Variants in RARB observed in about 807,000 individuals in gnomAD.
RARB encodes retinoic acid receptor beta.
In RARB, 17 loss-of-function variants were observed where a neutral mutation model predicts 51.9. The observed-to-expected ratio is 0.33, with a 90% CI of 0.22 to 0.49. The LOEUF (loss-of-function observed/expected upper bound fraction) is 0.49, where lower values mean the gene tolerates loss of function less well. Among genes scored for constraint, RARB ranks in the 20% least tolerant of loss-of-function variants. The probability of loss-of-function intolerance (pLI) is 0.99; values close to 1 mark genes in which losing one functional copy is unlikely to be tolerated. For missense variants in RARB, 369 were observed against 550.8 expected, an observed-to-expected ratio of 0.67 and a Z score of 3.30; for synonymous variants, 215 against 195.4, an observed-to-expected ratio of 1.10 and a Z score of -0.84.
intron 1 of RARB, among the ~76,000 whole-genome samples, 179 bp downstream of exon 1, chr3:25,429,067 A>G (rs1331466371): frequency 6.6e-6 from 1 of 152,116 alleles, no homozygotes; most frequent in African/African-American, 2.4e-5. Flanking sequence ...ATTTCCTGTT[A>G]GATGTTTTCT....
intron 2 of RARB, among the ~76,000 whole-genome samples, chr3:24,868,204 T>C (rs923743583): frequency 6.6e-6 from 1 of 152,194 alleles, no homozygotes; most frequent in African/African-American, 2.4e-5. Context: ...TAGCCTGTTT[T>C]AAAATCTGTC....
At chr3:24,972,852 G>C (rs1400708248) in intron 2 of RARB, among the ~76,000 whole-genome samples, 1 of 151,780 alleles carries the variant, frequency 6.6e-6, no homozygotes, top group Non-Finnish European at 1.5e-5. Flanking sequence ...TTGCTACTGA[G>C]TTGTTTGGGC....
chr3:25,548,770 G>A (rs1428926231), intron 3 of RARB, among the ~76,000 whole-genome samples: 2 of 151,734 alleles, frequency 1.3e-5, no homozygotes, highest in Non-Finnish European at 2.9e-5. Flanking sequence ...TCTAGTAATT[G>A]CTGCTTTCTT....
At chr3:25,225,227 A>G (rs965888234) in intron 5 of RARB, among the ~76,000 whole-genome samples, 1 of 152,194 alleles carries the variant, frequency 6.6e-6, no homozygotes, top group Non-Finnish European at 1.5e-5. Flanking sequence ...GATAGTACAA[A>G]GGGACAAACA....
intron 5 of RARB, among the ~76,000 whole-genome samples, chr3:25,375,688 T>G (rs1225494481): frequency 6.6e-6 from 1 of 152,140 alleles, no homozygotes; most frequent in South Asian, 2.1e-4. Context: ...CACCACAAAT[T>G]AGTTGAGAGA....
At chr3:25,384,528 G>A (rs1706737025) in intron 5 of RARB, among the ~76,000 whole-genome samples, 1 of 152,196 alleles carries the variant, frequency 6.6e-6, no homozygotes, top group Non-Finnish European at 1.5e-5. Context: ...GACAGGAGGG[G>A]AGGGACCTGT....
chr3:25,114,686 A>G (rs1014998604), intron 3 of RARB, among the ~76,000 whole-genome samples: 2 of 152,198 alleles, frequency 1.3e-5, no homozygotes, highest in Non-Finnish European at 2.9e-5. Context: ...GTGTGCCTAG[A>G]CAACCATGTA....
chr3:25,184,146 T>C (rs1411820254), intron 5 of RARB, among the ~76,000 whole-genome samples: 4 of 151,950 alleles, frequency 2.6e-5, no homozygotes, highest in Non-Finnish European at 5.9e-5. Flanking sequence ...GTTTTTTTTT[T>C]CTAGTTATTG....
intron 3 of RARB, among the ~76,000 whole-genome samples, chr3:25,106,907 T>TTTG (rs1699516882): frequency 6.6e-6 from 1 of 151,596 alleles, no homozygotes; most frequent in African/African-American, 2.4e-5. Flanking sequence ...TGCATTTTTT[T>TTTG]TTGTTGTTGT....
At chr3:24,999,549 G>A (rs144137892) in intron 2 of RARB, among the ~76,000 whole-genome samples, 4 of 152,132 alleles carry the variant, frequency 2.6e-5, no homozygotes, top group Admixed American at 1.3e-4. Context: ...TTTAAAGTCA[G>A]TAGTTGATGA....
chr3:25,492,297 T>C (rs979354036), intron 2 of RARB, among the ~76,000 whole-genome samples: 1 of 152,226 alleles, frequency 6.6e-6, no homozygotes, highest in African/African-American at 2.4e-5. Flanking sequence ...TTCACCTAAA[T>C]TAAAGGACAT....
chr3:25,366,545 A>T (rs1044106678), intron 5 of RARB, among the ~76,000 whole-genome samples: 5 of 152,242 alleles, frequency 3.3e-5, no homozygotes, highest in Non-Finnish European at 7.3e-5. Flanking sequence ...ATGAAACCAG[A>T]ACTTTGAAAA....
At chr3:24,885,364 A>G (rs1429204505) in intron 2 of RARB, among the ~76,000 whole-genome samples, 1 of 152,178 alleles carries the variant, frequency 6.6e-6, no homozygotes, top group Non-Finnish European at 1.5e-5. Flanking sequence ...GCCTTTTGAC[A>G]AGAATGTTCT....
intron 5 of RARB, among the ~76,000 whole-genome samples, chr3:25,406,402 G>A (rs774520321): frequency 1.3e-5 from 2 of 152,204 alleles, no homozygotes; most frequent in Non-Finnish European, 2.9e-5. Flanking sequence ...GTATCACAGT[G>A]TTAGAGGCTA....
intron 2 of RARB, among the ~76,000 whole-genome samples, chr3:24,930,487 T>C (rs1695415779): frequency 6.6e-6 from 1 of 152,108 alleles, no homozygotes; most frequent in Non-Finnish European, 1.5e-5. Flanking sequence ...AATAGGGCTT[T>C]GAATCTTGCT....
chr3:24,868,525 C>T (rs1702891446), intron 2 of RARB, among the ~76,000 whole-genome samples: 1 of 152,140 alleles, frequency 6.6e-6, no homozygotes, highest in African/African-American at 2.4e-5. Flanking sequence ...GACTCCTCCT[C>T]TTGGCCAGGG....
chr3:25,054,629 G>A (rs1698401326), intron 2 of RARB, among the ~76,000 whole-genome samples: 1 of 152,144 alleles, frequency 6.6e-6, no homozygotes, highest in Non-Finnish European at 1.5e-5. Context: ...GAGGGGAAAG[G>A]GGGAGCAGGA....
At chr3:25,567,436 G>A (rs145086306) in intron 3 of RARB, among the ~76,000 whole-genome samples, 242 of 152,272 alleles carry the variant, frequency 1.6e-3, no homozygotes, top group African/African-American at 4.1e-3. Context: ...TCTTTAAGGC[G>A]TATGTGTGAA....
At chr3:25,128,540 T>C (rs1699896669) in intron 3 of RARB, among the ~76,000 whole-genome samples, 1 of 151,210 alleles carries the variant, frequency 6.6e-6, no homozygotes, top group Non-Finnish European at 1.5e-5. Context: ...TTTGGGGACA[T>C]GGAATCCTAC....
Sources: allele counts gnomAD v4.1 joint callset (sites outside exome capture counted in the v4.1 genomes callset), GRCh38; gene constraint gnomAD v4.1.1; transcripts MANE v1.5; gene names NCBI Gene and HGNC (gene_info 2026-07-23, HGNC 2026-07-21).